The following EDIL3 variants were observed in gnomAD, a reference collection of about 807,000 sequenced individuals.
The protein encoded by EDIL3 is EGF like and discoidin domains 3.
EDIL3 carries 37 observed loss-of-function variants against 67.4 expected under a neutral mutation model. The ratio of observed to expected loss-of-function variants is 0.55; its 90% CI spans 0.42 to 0.72. EDIL3 has a LOEUF of 0.72. EDIL3 is among the 30% of genes least tolerant of loss of function. The probability of loss-of-function intolerance (pLI) is 0.00; values close to 1 mark genes in which losing one functional copy is unlikely to be tolerated. For missense variants in EDIL3, 527 were observed against 586.3 expected (o/e 0.90, Z 1.04); for synonymous variants, 195 against 196.3 (o/e 0.99, Z 0.05).
intron 1 of EDIL3, among the ~76,000 whole-genome samples, chr5:84,342,287 TG>T (rs996420777): frequency 2.0e-5 from 3 of 151,940 alleles, no homozygotes; most frequent in African/African-American, 7.3e-5. Flanking sequence ...TTCTCACAAG[TG>T]GGAGTTAAAT....
chr5:83,979,092 A>G (rs906832938), intron 9 of EDIL3, among the ~76,000 whole-genome samples: 1 of 152,118 alleles, frequency 6.6e-6, no homozygotes, highest in Admixed American at 6.6e-5. Context: ...ACCCATAGAA[A>G]AATTACAGAC....
At chr5:84,209,734 G>GT (rs2112388261) in intron 3 of EDIL3, among the ~76,000 whole-genome samples, 1 of 152,290 alleles carries the variant, frequency 6.6e-6, no homozygotes, top group Non-Finnish European at 1.5e-5. Context: ...TGGCAGTGCG[G>GT]TAACACTGAG....
intron 3 of EDIL3, among the ~76,000 whole-genome samples, chr5:84,212,743 G>A (rs964085747): frequency 2.0e-5 from 3 of 152,152 alleles, no homozygotes; most frequent in Admixed American, 2.0e-4. Context: ...CACAACATGT[G>A]TGACCTGGAA....
In EDIL3 at chr5:84,060,463, A is replaced by C. The variant is rs749197264; in HGVS notation, c.974T>G (p.Met325Arg). ...ELSGCSEPLG[M>R]KSGHIQDYQI... ...ATAGTCTTGTATATGTCCTGATTTC[A>C]TACCCAGAGGCTCAGAACAACCTGA... is the stretch of plus-strand genomic sequence containing the variant. The change falls in exon 9 of 11, where the codon ATG (methionine) becomes AGG (arginine). Residue 325 changes from methionine (M) to arginine (R), a missense_variant. Physicochemically the swap from Met to Arg is moderately conservative, Grantham distance 91 (BLOSUM62 -1). Transcript: ENST00000296591. 6.2e-7 allele frequency: 1 copy of C among 1,613,654 alleles called. No individual in the cohort carries two copies. The highest frequency in any genetic ancestry group is 1.1e-5 in the South Asian group (1 of 91,058).
intron 9 of EDIL3, among the ~76,000 whole-genome samples, chr5:84,058,581 T>G (rs977827838): frequency 3.3e-5 from 5 of 152,098 alleles, no homozygotes; most frequent in African/African-American, 1.2e-4. Context: ...GCTAAATCAG[T>G]TAATGTTAGT....
chr5:84,091,123 T>C (rs184896805), intron 6 of EDIL3, among the ~76,000 whole-genome samples: 6 of 152,274 alleles, frequency 3.9e-5, no homozygotes, highest in African/African-American at 1.4e-4. Flanking sequence ...GTGAAGAGGT[T>C]ACAAATGCTT....
intron 6 of EDIL3, among the ~76,000 whole-genome samples, chr5:84,098,714 G>A (rs1313368716): frequency 6.6e-6 from 1 of 152,016 alleles, no homozygotes; most frequent in Non-Finnish European, 1.5e-5. Context: ...AAACTAATGA[G>A]AACAAAACTA....
intron 6 of EDIL3, among the ~76,000 whole-genome samples, chr5:84,102,625 CAAAAA>C (rs980701753): frequency 7.0e-6 from 1 of 141,928 alleles, no homozygotes; most frequent in African/African-American, 2.5e-5. Context: ...CAAAACAAAA[CAAAAA>C]AAAAACGAAA....
In EDIL3 at chr5:84,384,586, T is replaced by C. The variant is rs1748185281; in HGVS notation, c.-212A>G. On this transcript the variant is annotated 5_prime_UTR_variant, in exon 1 of 11. Transcript: ENST00000296591. ...GCCTTTCCTCCCCTTTTGCCTGCGC[T>C]CCGGCGCGCGGAGGTGGGTGAGCTC... 4 of 404,480 alleles carry C rather than the reference T, an allele frequency of 9.9e-6. No homozygotes were observed. Among genetic ancestry groups the C allele is most frequent in the Non-Finnish European group, 1.7e-5 (4 of 233,148 alleles). The allele number at this position is 404,480 out of a possible 1,614,324, so 25.1% of individuals were successfully genotyped here. A position where few individuals can be genotyped will look rare whatever the true frequency, so the allele number is the denominator to read the frequency against.
At chr5:83,974,461 G>GC (rs1031545584) in intron 9 of EDIL3, among the ~76,000 whole-genome samples, 88 of 151,972 alleles carry the variant, frequency 5.8e-4, no homozygotes, top group African/African-American at 2.1e-3. Flanking sequence ...AAAGTGGACT[G>GC]CCCCAAAGGA....
intron 9 of EDIL3, among the ~76,000 whole-genome samples, chr5:84,019,929 C>T (rs1004602233): frequency 6.6e-6 from 1 of 151,890 alleles, no homozygotes; most frequent in Non-Finnish European, 1.5e-5. Context: ...GACTGTCGCC[C>T]CACAGTGCAA....
In EDIL3 at chr5:84,228,839, T is replaced by G. The variant is rs537872816; in HGVS notation, c.226+1016A>C. Among the ~76,000 whole-genome samples, 14 of 152,220 alleles carry G rather than the reference T, an allele frequency of 9.2e-5. No individual in the cohort carries two copies. The South Asian group carries it at 2.7e-3, about 29-fold the overall frequency. ...AGTTGAAGTAAGTCAGGCCTATGAA[T>G]TGAACTGACCCTATCTTGTATATGA... On this transcript the variant is annotated intron_variant, in intron 3 of 10. Transcript: ENST00000296591.
chr5:84,249,153 T>A (rs974952702), intron 2 of EDIL3, among the ~76,000 whole-genome samples: 6 of 152,220 alleles, frequency 3.9e-5, no homozygotes, highest in East Asian at 1.9e-4. Flanking sequence ...CCTTTTTTTT[T>A]AATCTCCTGG....
At chr5:84,114,572 T>C (rs981443007) in intron 5 of EDIL3, among the ~76,000 whole-genome samples, 1 of 152,212 alleles carries the variant, frequency 6.6e-6, no homozygotes, top group East Asian at 1.9e-4. Context: ...ATTGCTTCTT[T>C]GTATTGGGGT....
chr5:84,249,377 T>A (rs1328328346), intron 2 of EDIL3, among the ~76,000 whole-genome samples: 3 of 144,286 alleles, frequency 2.1e-5, no homozygotes, highest in Admixed American at 1.4e-4. Context: ...CAACATATCT[T>A]TCTATCTATC....
intron 3 of EDIL3, among the ~76,000 whole-genome samples, chr5:84,204,975 C>G (rs1743933224): frequency 6.6e-6 from 1 of 152,006 alleles, no homozygotes; most frequent in South Asian, 2.1e-4. Context: ...TGCAGTGACG[C>G]AATCACAGCT....
chr5:83,972,877 AT>A (rs1744817827), intron 9 of EDIL3, among the ~76,000 whole-genome samples: 1 of 152,092 alleles, frequency 6.6e-6, no homozygotes, highest in Non-Finnish European at 1.5e-5. Flanking sequence ...GATCTTTATA[AT>A]ATCCTGTATG....
intron 9 of EDIL3, among the ~76,000 whole-genome samples, chr5:84,055,328 A>C (rs1238054734): frequency 6.8e-6 from 1 of 146,806 alleles, no homozygotes; most frequent in Non-Finnish European, 1.5e-5. Flanking sequence ...TAAAGACTTA[A>C]ATGTTAGACC....
At chr5:83,999,859 CA>C (rs1026663179) in intron 9 of EDIL3, among the ~76,000 whole-genome samples, 3 of 151,524 alleles carry the variant, frequency 2.0e-5, no homozygotes, top group Non-Finnish European at 4.4e-5. Context: ...ATCAAAATTC[CA>C]AAGGTCAATG....
Sources: allele counts gnomAD v4.1 joint callset (sites outside exome capture counted in the v4.1 genomes callset), GRCh38; gene constraint gnomAD v4.1.1; transcripts MANE v1.5; gene names NCBI Gene and HGNC (gene_info 2026-07-23, HGNC 2026-07-21).